The following RBM47 variants were observed in gnomAD, a reference collection of about 807,000 sequenced individuals.
RBM47 encodes RNA binding motif protein 47, also known as RNA-binding protein 47.
In RBM47, 21 loss-of-function variants were observed where a neutral mutation model predicts 47.1. That is an observed-to-expected ratio of 0.45 (90% CI 0.32 to 0.64). The LOEUF is 0.64. RBM47 is among the 30% of genes least tolerant of loss of function. The probability of loss-of-function intolerance (pLI) is 0.05; values close to 1 mark genes in which losing one functional copy is unlikely to be tolerated. For synonymous variants in RBM47, 375 were observed against 361.7 expected (o/e 1.04, Z -0.42); for missense variants, 708 against 870.9 (o/e 0.81, Z 2.35).
chr4:40,580,382 A>G (rs1285996108), intron 1 of RBM47, among the ~76,000 whole-genome samples: 2 of 151,768 alleles, frequency 1.3e-5, no homozygotes, highest in East Asian at 3.9e-4. Context: ...GAACCTAAAA[A>G]CTCTCTTCTT....
chr4:40,545,706 A>AAATAAATAAAT (rs1560459884), intron 1 of RBM47, among the ~76,000 whole-genome samples: 3 of 64,250 alleles, frequency 4.7e-5, no homozygotes, highest in Non-Finnish European at 7.1e-5. Context: ...AATAAATAAA[A>AAATAAATAAAT]GAGAAAGAGA....
At chr4:40,427,209 T>C (rs1715186657) in intron 6 of RBM47, 1 of 152,204 alleles carries the variant, frequency 6.6e-6, no homozygotes, top group Admixed American at 6.5e-5. Flanking sequence ...ACACCATTAA[T>C]GTATACAAAT....
chr4:40,495,981 T>C (rs1397125248), intron 2 of RBM47, among the ~76,000 whole-genome samples: 1 of 152,194 alleles, frequency 6.6e-6, no homozygotes, highest in African/African-American at 2.4e-5. Context: ...TGTCTGTGCC[T>C]AATGTCCTGA....
chr4:40,592,355 G>A (rs1416691426), intron 1 of RBM47, among the ~76,000 whole-genome samples: 1 of 150,650 alleles, frequency 6.6e-6, no homozygotes, highest in African/African-American at 2.4e-5. Context: ...CCTGGACTCA[G>A]CAGTCGTCCC....
chr4:40,468,946 T>G (rs943149872), intron 2 of RBM47, among the ~76,000 whole-genome samples: 1 of 152,238 alleles, frequency 6.6e-6, no homozygotes, highest in Non-Finnish European at 1.5e-5. Context: ...TGAAATTAAT[T>G]GTACACTGTC....
Position 40,438,597 on chromosome 4 carries a change from C to T in RBM47, c.297G>A (p.Glu99=), listed in dbSNP as rs770501371. Residue 99 remains glutamate, a synonymous_variant, in exon 4 of 7, where the codon GAG becomes GAA. Coordinates refer to ENST00000295971, the MANE Select transcript of RBM47 (RefSeq NM_001098634.2). ...PVFEAVGRIY[E]LRLMMDFDGK... is the part of the protein sequence containing the mutation. ...CGTCAAAGTCCATCATGAGGCGCAG[C>T]TCGTAGATGCGGCCCACGGCCTCGA... 3 of 1,613,948 alleles carry T rather than the reference C, an allele frequency of 1.9e-6. No homozygotes were observed.
intron 6 of RBM47, among the ~76,000 whole-genome samples, chr4:40,430,627 A>G (rs1715831836): frequency 6.6e-6 from 1 of 152,206 alleles, no homozygotes; most frequent in African/African-American, 2.4e-5. Flanking sequence ...TGCAGTCAAG[A>G]CTAGTGTTCA....
At chr4:40,550,427 A>AT (rs1310076250) in intron 1 of RBM47, among the ~76,000 whole-genome samples, 242 of 151,338 alleles carry the variant, frequency 1.6e-3, no homozygotes, top group African/African-American at 5.7e-3. Flanking sequence ...ATCATACGTA[A>AT]TTTTTTTTTG....
intron 2 of RBM47, among the ~76,000 whole-genome samples, chr4:40,531,319 A>G (rs939654736): frequency 1.3e-5 from 2 of 151,918 alleles, no homozygotes; most frequent in Non-Finnish European, 2.9e-5. Context: ...CTGGAGAGAT[A>G]AAGAGGAAAG....
At chr4:40,504,887 C>A (rs994832725) in intron 2 of RBM47, among the ~76,000 whole-genome samples, 13 of 152,194 alleles carry the variant, frequency 8.5e-5, no homozygotes, top group Non-Finnish European at 1.8e-4. Context: ...ATGGCAGATT[C>A]TTTACCAAAG....
chr4:40,622,907 A>T (rs528502619), intron 1 of RBM47, among the ~76,000 whole-genome samples: 21 of 152,280 alleles, frequency 1.4e-4, no homozygotes, highest in African/African-American at 4.8e-4. Context: ...CACTCTGGAT[A>T]CTGGGTTAAG....
chr4:40,427,612 G>A (rs1029417740), intron 6 of RBM47: 1 of 152,188 alleles, frequency 6.6e-6, no homozygotes, highest in African/African-American at 2.4e-5. Flanking sequence ...GCCATAGAAT[G>A]CCTGGTAGTA....
rs779209492 is a variant in RBM47 at position 40,568,992 on chromosome 4, T to G, written c.-239-24486A>C. Among the ~76,000 whole-genome samples, 8 of 66,334 alleles carry G rather than the reference T, an allele frequency of 1.2e-4. 1 individual carries two copies. Among genetic ancestry groups the G allele is most frequent in the Non-Finnish European group, 2.0e-4 (6 of 30,078 alleles). 43.5% of individuals were successfully genotyped at this position (66,334 alleles called of 152,430 possible). A position where few individuals can be genotyped will look rare whatever the true frequency, so the allele number is the denominator to read the frequency against. Reference sequence around the variant, plus strand: ...GTGAGACTCTGTCTCAAAAGATAGATAGATAGATAGATAGATAGATAGATA... The same window carrying G: ...GTGAGACTCTGTCTCAAAAGATAGAGAGATAGATAGATAGATAGATAGATA... On this transcript the variant is annotated intron_variant, in intron 1 of 6. Coordinates refer to ENST00000295971, the MANE Select transcript of RBM47 (RefSeq NM_001098634.2).
In RBM47 at chr4:40,432,772, T is replaced by A; in HGVS notation, c.1421A>T (p.Glu474Val). 1 of 1,613,530 alleles carries A rather than the reference T, an allele frequency of 6.2e-7. No individual in the cohort carries two copies. Among genetic ancestry groups the A allele is most frequent in the Non-Finnish European group, 8.5e-7 (1 of 1,179,908 alleles). The change falls in exon 6 of 7, where the codon GAG becomes GTG. Residue 474 changes from glutamate to valine, a missense_variant. Coordinates refer to ENST00000295971, the MANE Select transcript of RBM47 (RefSeq NM_001098634.2). ...CACAGCAATGGGGCTGATCATGTGC[T>A]CCACTGTGTGGATTTTGCCATCTTC... is the stretch of plus-strand genomic sequence containing the variant. The part of the protein sequence containing the change: ...MIEDGKIHTV[E>V]HMISPIAVQP...
chr4:40,553,496 C>T (rs1363729262), intron 1 of RBM47, among the ~76,000 whole-genome samples: 2 of 152,098 alleles, frequency 1.3e-5, no homozygotes, highest in Non-Finnish European at 2.9e-5. Flanking sequence ...TGGCATTTCA[C>T]CATGTTGCCA....
intron 1 of RBM47, among the ~76,000 whole-genome samples, chr4:40,620,230 G>C (rs1189779312): frequency 7.1e-6 from 1 of 140,242 alleles, no homozygotes; most frequent in Non-Finnish European, 1.5e-5. Context: ...ACTCTGGGCC[G>C]GGCACAGTGG....
intron 2 of RBM47, among the ~76,000 whole-genome samples, chr4:40,509,666 G>A (rs1282715425): frequency 2.6e-5 from 4 of 150,956 alleles, no homozygotes. Context: ...TGGATCACGA[G>A]GTCAGGAGAT....
At chr4:40,573,807 A>G (rs202163677) in intron 1 of RBM47, among the ~76,000 whole-genome samples, 2 of 136,662 alleles carry the variant, frequency 1.5e-5, no homozygotes, top group Non-Finnish European at 3.0e-5. Flanking sequence ...GAAAGAAAGA[A>G]AAAGAAAGAA....
intron 3 of RBM47, among the ~76,000 whole-genome samples, chr4:40,442,675 T>C (rs1713837577): frequency 6.6e-6 from 1 of 152,138 alleles, no homozygotes; most frequent in Non-Finnish European, 1.5e-5. Flanking sequence ...TTATTCAGCC[T>C]TTTTTCTTTT....
Sources: allele counts gnomAD v4.1 joint callset (sites outside exome capture counted in the v4.1 genomes callset), GRCh38; gene constraint gnomAD v4.1.1; transcripts MANE v1.5; gene names NCBI Gene and HGNC (gene_info 2026-07-23, HGNC 2026-07-21).